Variants in SLC71A2 observed in about 807,000 individuals in gnomAD.
SLC71A2 encodes solute carrier family 71 member 2, also known as hippocampus abundant transcript-like 1.
the SLC71A2 span, among the ~76,000 whole-genome samples, chr9:94,421,114 T>C: frequency 8.8e-6 from 1 of 113,850 alleles, no homozygotes; most frequent in East Asian, 2.3e-4. Context: ...AATATAAAAT[T>C]ATAGGATTTT....
chr9:94,406,959 G>GAAAGTGTGC, the SLC71A2 span, among the ~76,000 whole-genome samples: 1 of 152,246 alleles, frequency 6.6e-6, no homozygotes, highest in Non-Finnish European at 1.5e-5. Flanking sequence ...TAGAAGTGGG[G>GAAAGTGTGC]AAAGTGTGCA....
the SLC71A2 span, among the ~76,000 whole-genome samples, chr9:94,454,419 G>A: frequency 6.6e-6 from 1 of 151,992 alleles, no homozygotes; most frequent in Non-Finnish European, 1.5e-5. Flanking sequence ...CCAGGCTGGA[G>A]TACAGTGGCA....
At chr9:94,454,173 G>T in the SLC71A2 span, 1 of 759,146 alleles carries the variant, frequency 1.3e-6, no homozygotes, top group Non-Finnish European at 2.3e-6. Flanking sequence ...TTATTTTGCT[G>T]GTTTGGTGTA....
At chr9:94,456,884 C>A in the SLC71A2 span, among the ~76,000 whole-genome samples, 1 of 152,128 alleles carries the variant, frequency 6.6e-6, no homozygotes, top group Non-Finnish European at 1.5e-5. Context: ...CATATCCCAT[C>A]CTTCCCATGC....
At chr9:94,460,294 G>C in the SLC71A2 span, 5 of 152,566 alleles carry the variant, frequency 3.3e-5, no homozygotes, top group East Asian at 9.6e-4. Flanking sequence ...TCCAAGTTCA[G>C]ACTCAAAGGC....
At chr9:94,458,886 T>C in the SLC71A2 span, among the ~76,000 whole-genome samples, 3 of 152,304 alleles carry the variant, frequency 2.0e-5, no homozygotes, top group South Asian at 2.1e-4. Context: ...TCTGAAGTCA[T>C]AGGATGGGAT....
the SLC71A2 span, among the ~76,000 whole-genome samples, chr9:94,438,955 A>G: frequency 2.4e-4 from 36 of 151,134 alleles, no homozygotes; most frequent in African/African-American, 7.3e-4. Context: ...AATAGGCGGG[A>G]GTCACTTTAA....
At chr9:94,446,355 C>T in the SLC71A2 span, among the ~76,000 whole-genome samples, 1 of 152,198 alleles carries the variant, frequency 6.6e-6, no homozygotes, top group Non-Finnish European at 1.5e-5. Flanking sequence ...CTGGAGCGTA[C>T]TTATTTGTCT....
At chr9:94,450,089 C>T in the SLC71A2 span, among the ~76,000 whole-genome samples, 40 of 152,238 alleles carry the variant, frequency 2.6e-4, no homozygotes, top group Admixed American at 1.6e-3. Context: ...ATGGCTGCTA[C>T]GTTTCTTTGA....
At chr9:94,407,525 C>T in the SLC71A2 span, among the ~76,000 whole-genome samples, 8 of 152,096 alleles carry the variant, frequency 5.3e-5, no homozygotes, top group South Asian at 2.1e-4. Context: ...ATTACAGGCA[C>T]GCACTACCAC....
the SLC71A2 span, among the ~76,000 whole-genome samples, chr9:94,408,046 G>A: frequency 6.6e-6 from 1 of 152,158 alleles, no homozygotes; most frequent in East Asian, 1.9e-4. Flanking sequence ...AAAAGCACAA[G>A]AGGACTGTGC....
chr9:94,440,853 A>G, the SLC71A2 span: 1 of 459,760 alleles, frequency 2.2e-6, no homozygotes, highest in Non-Finnish European at 3.9e-6. Context: ...TTTTTGATAT[A>G]TTTAAGTATA....
At chr9:94,424,321 G>T in the SLC71A2 span, among the ~76,000 whole-genome samples, 1 of 151,782 alleles carries the variant, frequency 6.6e-6, no homozygotes, top group Non-Finnish European at 1.5e-5. Context: ...TGCAACCTCC[G>T]CCTTCTGGGT....
At chr9:94,424,502 TG>T in the SLC71A2 span, among the ~76,000 whole-genome samples, 2 of 152,112 alleles carry the variant, frequency 1.3e-5, no homozygotes, top group Non-Finnish European at 1.5e-5. Flanking sequence ...CCCAAAGTGC[TG>T]GGATTGCAGG....
chr9:94,408,544 T>C, the SLC71A2 span, among the ~76,000 whole-genome samples: 1 of 152,086 alleles, frequency 6.6e-6, no homozygotes, highest in Non-Finnish European at 1.5e-5. Flanking sequence ...TAGTTATAGG[T>C]CTATTTATAT....
chr9:94,381,538 T>C, the SLC71A2 span, among the ~76,000 whole-genome samples: 1 of 152,252 alleles, frequency 6.6e-6, no homozygotes, highest in African/African-American at 2.4e-5. Flanking sequence ...TGATGGACTT[T>C]CGGCTTCTCA....
At chr9:94,458,468 A>G in the SLC71A2 span, 4 of 1,613,572 alleles carry the variant, frequency 2.5e-6, no homozygotes, top group Non-Finnish European at 3.4e-6. Context: ...CCTGCAGGTA[A>G]TTTGGTCATA....
At chr9:94,438,345 C>T in the SLC71A2 span, 2 of 1,612,946 alleles carry the variant, frequency 1.2e-6, no homozygotes, top group Admixed American at 1.7e-5. Flanking sequence ...ATATGAATTA[C>T]AGGTAATTGA....
chr9:94,387,945 C>T, the SLC71A2 span, among the ~76,000 whole-genome samples: 2 of 152,072 alleles, frequency 1.3e-5, no homozygotes, highest in Admixed American at 1.3e-4. Context: ...ATTCATCTGA[C>T]TAATTGCTTC....
Sources: gnomAD v4.1 joint callset for allele counts (sites outside exome capture counted in the v4.1 genomes callset) on GRCh38, gnomAD v4.1.1 for gene constraint, MANE v1.5 for transcripts, NCBI Gene and HGNC (gene_info 2026-07-23, HGNC 2026-07-21) for gene names.